ZNF385B: variants seen among roughly 807,000 people sequenced by gnomAD.
The protein encoded by ZNF385B is zinc finger protein 533.
ZNF385B carries 23 observed loss-of-function variants against 39.2 expected under a neutral mutation model. That is an observed-to-expected ratio of 0.59 (90% CI 0.42 to 0.83). ZNF385B has a LOEUF of 0.83. Among genes scored for constraint, ZNF385B ranks in the 40% least tolerant of loss-of-function variants. The pLI is 0.00. For missense variants in ZNF385B, 552 were observed against 598.9 expected (o/e 0.92, Z 0.82); for synonymous variants, 205 against 222.6 (o/e 0.92, Z 0.70).
At chr2:179,849,475 C>G (rs1708968150) in intron 1 of ZNF385B, among the ~76,000 whole-genome samples, 1 of 152,178 alleles carries the variant, frequency 6.6e-6, no homozygotes, top group South Asian at 2.1e-4. Context: ...CTGGTTTTCT[C>G]TTCTCTAATT....
At chr2:179,543,170 G>T (rs958882177) in intron 4 of ZNF385B, among the ~76,000 whole-genome samples, 2 of 152,146 alleles carry the variant, frequency 1.3e-5, no homozygotes, top group Non-Finnish European at 2.9e-5. Flanking sequence ...TACTCAGGAG[G>T]CTGAGACACA....
chr2:179,839,218 G>A (rs148512721), intron 1 of ZNF385B, among the ~76,000 whole-genome samples: 8 of 152,260 alleles, frequency 5.3e-5, no homozygotes, highest in African/African-American at 1.9e-4. Flanking sequence ...GCTGTAGCCA[G>A]TGAGCCATTA....
chr2:179,562,399 C>CTTT, intron 3 of ZNF385B: 5 of 985,206 alleles, frequency 5.1e-6, no homozygotes, highest in Non-Finnish European at 6.0e-6. Flanking sequence ...CAGTGCTTAC[C>CTTT]TTTGTTTTTA....
Position 179,756,311 on chromosome 2 carries a change from A to C in ZNF385B, c.298+13192T>G, listed in dbSNP as rs187382492. On this transcript the variant is annotated intron_variant, in intron 3 of 9. Coordinates refer to ENST00000410066, the MANE Select transcript of ZNF385B (RefSeq NM_152520.6). ...TTAAGAATGTCAAATATTGGCACCCACTCTCTTCTGGCTTGTAGAGTTTCT... is the reference window on the plus strand; with the variant it reads ...TTAAGAATGTCAAATATTGGCACCCCCTCTCTTCTGGCTTGTAGAGTTTCT... Among the ~76,000 whole-genome samples, 855 of 152,184 alleles carry C rather than the reference A, an allele frequency of 5.6e-3. 5 individuals are homozygous for C. The highest frequency in any genetic ancestry group is 0.017 in the Middle Eastern group (5 of 294).
At chr2:179,467,248 A>T (rs2052162061) in intron 6 of ZNF385B, among the ~76,000 whole-genome samples, 1 of 152,094 alleles carries the variant, frequency 6.6e-6, no homozygotes, top group Non-Finnish European at 1.5e-5. Context: ...ACTTGGTCTA[A>T]TTCCAAATGT....
At chr2:179,565,659 C>T (rs927885076) in intron 3 of ZNF385B, among the ~76,000 whole-genome samples, 1 of 152,212 alleles carries the variant, frequency 6.6e-6, no homozygotes, top group Admixed American at 6.5e-5. Context: ...CTTGGACATA[C>T]ACACTTTATG....
intron 3 of ZNF385B, among the ~76,000 whole-genome samples, chr2:179,742,914 C>T (rs893562903): frequency 3.3e-5 from 5 of 151,974 alleles, no homozygotes; most frequent in African/African-American, 9.7e-5. Flanking sequence ...GCAGGCAAAT[C>T]ACTGAGATTT....
At chr2:179,584,022 T>C (rs899469245) in intron 3 of ZNF385B, 1 of 1,058,048 alleles carries the variant, frequency 9.5e-7, no homozygotes. Flanking sequence ...TGTGTACACA[T>C]TGTTGAAGAA....
intron 3 of ZNF385B, among the ~76,000 whole-genome samples, chr2:179,558,386 A>T (rs529989189): frequency 6.6e-6 from 1 of 152,188 alleles, no homozygotes; most frequent in South Asian, 2.1e-4. Flanking sequence ...AAAAGGAGGG[A>T]AAAGAAAAGA....
At chr2:179,512,716 G>T (rs928976515) in intron 5 of ZNF385B, among the ~76,000 whole-genome samples, 4 of 152,190 alleles carry the variant, frequency 2.6e-5, no homozygotes, top group African/African-American at 9.6e-5. Flanking sequence ...CAAGAAGAAA[G>T]CAGGGCTTGA....
chr2:179,546,303 C>T (rs1386904500), intron 3 of ZNF385B, among the ~76,000 whole-genome samples: 1 of 152,154 alleles, frequency 6.6e-6, no homozygotes, highest in Admixed American at 6.5e-5. Flanking sequence ...TCCCAAAGTG[C>T]TGGAATTACA....
intron 3 of ZNF385B, among the ~76,000 whole-genome samples, chr2:179,758,874 A>T (rs765789383): frequency 2.6e-5 from 4 of 152,234 alleles, no homozygotes; most frequent in Non-Finnish European, 4.4e-5. Flanking sequence ...AGCCCAGCCC[A>T]CATTTCTGAC....
intron 5 of ZNF385B, among the ~76,000 whole-genome samples, chr2:179,487,061 G>C (rs1467818934): frequency 6.6e-6 from 1 of 152,222 alleles, no homozygotes; most frequent in African/African-American, 2.4e-5. Context: ...TTTGGCTAAA[G>C]AAACATATGG....
chr2:179,805,021 T>C (rs1706262539), intron 1 of ZNF385B, among the ~76,000 whole-genome samples: 1 of 152,194 alleles, frequency 6.6e-6, no homozygotes, highest in African/African-American at 2.4e-5. Context: ...GGCAATTCAA[T>C]TCCCTCATGT....
At chr2:179,827,650 C>A (rs1195405989) in intron 1 of ZNF385B, among the ~76,000 whole-genome samples, 1 of 152,218 alleles carries the variant, frequency 6.6e-6, no homozygotes, top group East Asian at 1.9e-4. Flanking sequence ...TTCCTAGGTT[C>A]CTATCATTAA....
At chr2:179,710,604 T>C (rs1699930960) in intron 3 of ZNF385B, among the ~76,000 whole-genome samples, 1 of 152,176 alleles carries the variant, frequency 6.6e-6, no homozygotes, top group South Asian at 2.1e-4. Flanking sequence ...GTCCATTTGG[T>C]ATTGTAATCC....
At chr2:179,752,076 C>T (rs1702712517) in intron 3 of ZNF385B, among the ~76,000 whole-genome samples, 1 of 151,956 alleles carries the variant, frequency 6.6e-6, no homozygotes, top group South Asian at 2.1e-4. Context: ...CTAATGTTAT[C>T]CCTCCCCCTC....
At chr2:179,857,603 G>A (rs1429306178) in intron 1 of ZNF385B, among the ~76,000 whole-genome samples, 3 of 152,178 alleles carry the variant, frequency 2.0e-5, no homozygotes, top group Non-Finnish European at 4.4e-5. Flanking sequence ...GCCTAGAGAA[G>A]TCTCAAATTG....
intron 1 of ZNF385B, among the ~76,000 whole-genome samples, chr2:179,798,452 A>G (rs752822843): frequency 6.6e-5 from 10 of 152,152 alleles, no homozygotes; most frequent in South Asian, 2.1e-4. Context: ...TCACAAGTTC[A>G]TACTGATACT....
Sources: allele counts gnomAD v4.1 joint callset (sites outside exome capture counted in the v4.1 genomes callset), GRCh38; gene constraint gnomAD v4.1.1; transcripts MANE v1.5; gene names NCBI Gene and HGNC (gene_info 2026-07-23, HGNC 2026-07-21).